RBFOX1: variants seen among roughly 807,000 people sequenced by gnomAD.
RBFOX1 encodes the protein RNA binding protein fox-1 homolog 1.
RBFOX1 carries 8 observed loss-of-function variants against 57.7 expected under a neutral mutation model. The ratio of observed to expected loss-of-function variants is 0.14; its 90% CI spans 0.08 to 0.25. The LOEUF (loss-of-function observed/expected upper bound fraction) is 0.25, where lower values mean the gene tolerates loss of function less well. RBFOX1 is among the 10% of genes least tolerant of loss of function. RBFOX1 has a pLI of 1.00. For synonymous variants in RBFOX1, 326 were observed against 222.4 expected, an observed-to-expected ratio of 1.47 and a Z score of -4.15; for missense variants, 611 against 548.5, an observed-to-expected ratio of 1.11 and a Z score of -1.14.
intron 4 of RBFOX1, among the ~76,000 whole-genome samples, chr16:7,160,829 C>CTCCTCCT (rs1291162544): frequency 5.1e-5 from 7 of 138,536 alleles, no homozygotes; most frequent in Non-Finnish European, 9.1e-5. Context: ...TCCCTCCTCC[C>CTCCTCCT]TCCTCCTTCC....
intron 2 of RBFOX1, among the ~76,000 whole-genome samples, chr16:6,495,768 G>C (rs1273948819): frequency 6.6e-6 from 1 of 151,984 alleles, no homozygotes; most frequent in Non-Finnish European, 1.5e-5. Context: ...TGCTTTTTTG[G>C]TGTGGCCCAA....
intron 4 of RBFOX1, among the ~76,000 whole-genome samples, chr16:7,185,327 G>A (rs1026416669): frequency 6.6e-6 from 1 of 151,932 alleles, no homozygotes; most frequent in Non-Finnish European, 1.5e-5. Context: ...GCATTTTCAC[G>A]GTTTGTGTTT....
chr16:7,522,673 C>T (rs773518886), intron 5 of RBFOX1, among the ~76,000 whole-genome samples: 1 of 152,010 alleles, frequency 6.6e-6, no homozygotes, highest in African/African-American at 2.4e-5. Context: ...TAATTTATGC[C>T]AACAAGGTCC....
chr16:6,604,611 T>C lies in RBFOX1; in HGVS notation c.-63-49992T>C, dbSNP rs189313486. Among the ~76,000 whole-genome samples, 928 of 152,364 alleles carry C rather than the reference T, an allele frequency of 6.1e-3. 10 individuals carry two copies. Among genetic ancestry groups the C allele is most frequent in the Non-Finnish European group, 8.5e-3 (576 of 68,034 alleles). On this transcript the variant is annotated intron_variant, in intron 2 of 15. Coordinates refer to ENST00000550418, the MANE Select transcript of RBFOX1 (RefSeq NM_018723.4). The stretch of plus-strand genomic sequence containing the variant: ...AATGGTGGCAAGCTCTTAATTACTG[T>C]TGTATATGGGTACTGAGTATATAAA...
chr16:6,712,004 T>C (rs780503453), intron 3 of RBFOX1, among the ~76,000 whole-genome samples: 1 of 152,214 alleles, frequency 6.6e-6, no homozygotes, highest in Non-Finnish European at 1.5e-5. Context: ...GATTTTGTTA[T>C]CTCGCTCTCT....
chr16:6,579,833 A>G (rs2097508032), intron 2 of RBFOX1, among the ~76,000 whole-genome samples: 1 of 151,976 alleles, frequency 6.6e-6, no homozygotes, highest in Non-Finnish European at 1.5e-5. Flanking sequence ...CTGTCCTCCC[A>G]TATCAGCCTC....
intron 4 of RBFOX1, among the ~76,000 whole-genome samples, chr16:7,063,758 G>A (rs912255825): frequency 6.6e-6 from 1 of 152,170 alleles, no homozygotes. Context: ...CAGACTTTTT[G>A]TCATCATTCC....
At chr16:5,848,868 G>C (rs2056820442) in intron 3 of RBFOX1, among the ~76,000 whole-genome samples, 1 of 152,060 alleles carries the variant, frequency 6.6e-6, no homozygotes, top group Admixed American at 6.5e-5. Context: ...AGAATCACTT[G>C]AATCTGGGAG....
chr16:7,510,705 A>G (rs1478435633), intron 4 of RBFOX1, among the ~76,000 whole-genome samples: 1 of 152,140 alleles, frequency 6.6e-6, no homozygotes, highest in Non-Finnish European at 1.5e-5. Context: ...CTTGCCAGAG[A>G]AGTGGTGTAG....
At chr16:6,827,303 G>A (rs759651525) in intron 3 of RBFOX1, among the ~76,000 whole-genome samples, 17 of 152,072 alleles carry the variant, frequency 1.1e-4, no homozygotes, top group South Asian at 2.1e-4. Context: ...CAAACCAGGC[G>A]TAAGAAAGTG....
intron 4 of RBFOX1, among the ~76,000 whole-genome samples, chr16:5,949,117 C>A (rs2059464854): frequency 6.6e-6 from 1 of 152,126 alleles, no homozygotes; most frequent in African/African-American, 2.4e-5. Flanking sequence ...GAGTCTGTAT[C>A]TACTAAGAGC....
At chr16:7,397,074 C>G (rs554646652) in intron 4 of RBFOX1, among the ~76,000 whole-genome samples, 9 of 152,258 alleles carry the variant, frequency 5.9e-5, no homozygotes, top group African/African-American at 2.2e-4. Flanking sequence ...GAAAACTTAG[C>G]ACATGAAAAA....
At chr16:6,025,733 G>A (rs557000858) in intron 1 of RBFOX1, among the ~76,000 whole-genome samples, 1 of 152,304 alleles carries the variant, frequency 6.6e-6, no homozygotes, top group South Asian at 2.1e-4. Flanking sequence ...CTTATGGAGA[G>A]CTCTGAGTGC....
At chr16:7,191,131 C>T (rs2085276421) in intron 4 of RBFOX1, among the ~76,000 whole-genome samples, 1 of 152,098 alleles carries the variant, frequency 6.6e-6, no homozygotes, top group Non-Finnish European at 1.5e-5. Flanking sequence ...CATCTTAATT[C>T]TTCACCATCA....
intron 1 of RBFOX1, among the ~76,000 whole-genome samples, chr16:5,317,461 T>C (rs1296664332): frequency 1.3e-5 from 2 of 151,916 alleles, no homozygotes; most frequent in African/African-American, 4.8e-5. Flanking sequence ...TACAAAAAAT[T>C]AGTTGGGCGT....
At chr16:7,562,945 G>A (rs780208110) in intron 5 of RBFOX1, among the ~76,000 whole-genome samples, 16 of 152,158 alleles carry the variant, frequency 1.1e-4, no homozygotes, top group Non-Finnish European at 1.9e-4. Context: ...CAAGTGCCCC[G>A]AGAGCTGTTG....
chr16:6,488,540 A>G (rs2095556354), intron 2 of RBFOX1, among the ~76,000 whole-genome samples: 1 of 152,170 alleles, frequency 6.6e-6, no homozygotes, highest in South Asian at 2.1e-4. Context: ...AGAGATGGAG[A>G]AACAATTTTC....
At chr16:7,534,308 G>T (rs186022175) in intron 5 of RBFOX1, among the ~76,000 whole-genome samples, 362 of 151,822 alleles carry the variant, frequency 2.4e-3, no homozygotes, top group Non-Finnish European at 4.0e-3. Context: ...AGCCAGGCTG[G>T]TCTCGAACTC....
intron 4 of RBFOX1, among the ~76,000 whole-genome samples, chr16:7,246,015 G>A (rs935239251): frequency 6.6e-6 from 1 of 152,186 alleles, no homozygotes; most frequent in Non-Finnish European, 1.5e-5. Context: ...CACTTCAAGT[G>A]TGGCACAAAT....
Sources: allele counts gnomAD v4.1 joint callset (sites outside exome capture counted in the v4.1 genomes callset), GRCh38; gene constraint gnomAD v4.1.1; transcripts MANE v1.5; gene names NCBI Gene and HGNC (gene_info 2026-07-23, HGNC 2026-07-21).